The following KPNB1 variants were observed in gnomAD, a reference collection of about 807,000 sequenced individuals.
KPNB1 encodes karyopherin subunit beta 1, also known as importin subunit beta-1.
In KPNB1, 7 loss-of-function variants were observed where a neutral mutation model predicts 113.0. That is an observed-to-expected ratio of 0.06 (90% CI 0.04 to 0.12). The LOEUF is 0.12. Among genes scored for constraint, KPNB1 ranks in the 10% least tolerant of loss-of-function variants. The probability of loss-of-function intolerance (pLI) is 1.00; values close to 1 mark genes in which losing one functional copy is unlikely to be tolerated. For missense variants in KPNB1, 400 were observed against 1,054.8 expected, an observed-to-expected ratio of 0.38 and a Z score of 8.60; for synonymous variants, 363 against 378.6, an observed-to-expected ratio of 0.96 and a Z score of 0.48.
intron 11 of KPNB1, among the ~76,000 whole-genome samples, chr17:47,670,094 C>T (rs554694984): frequency 6.6e-6 from 1 of 152,244 alleles, no homozygotes; most frequent in East Asian, 1.9e-4. Flanking sequence ...CATGGTAACC[C>T]AGTGGGGAAA....
rs777866099 is a variant in KPNB1 at position 47,682,932 on chromosome 17, A to AT, written c.*534dup. The AT allele has an allele frequency of 6.4e-6, 1 of 157,008 alleles. No homozygotes were observed. Among genetic ancestry groups the AT allele is most frequent in the African/African-American group, 2.4e-5 (1 of 41,360 alleles). The allele number at this position is 157,008 out of a possible 1,614,324, so 9.7% of individuals were successfully genotyped here. ...TTGCCAGCTAGAAGGAGGGTCAGGG[A>AT]TTTTTTACAGTCTGAGAATGAGTGT... On this transcript the variant is annotated 3_prime_UTR_variant, in exon 22 of 22. Coordinates refer to ENST00000290158, the MANE Select transcript of KPNB1 (RefSeq NM_002265.6).
rs1305600635 is a variant in KPNB1, at chr17:47,657,042, T to A, written c.465T>A (p.Gly155=). The A allele has an allele frequency of 6.2e-7, 1 of 1,614,032 alleles. No homozygotes were observed. The highest frequency in any genetic ancestry group is 1.1e-5 in the South Asian group (1 of 91,056). The part of the protein sequence containing the change: ...HMKESTLEAI[G]YICQDIDPEQ... ...AGGAGTCGACATTGGAAGCCATCGG[T>A]TATATTTGCCAAGATATAGTAAGTG... The change falls in exon 4 of 22, where the codon GGT becomes GGA. Residue 155 remains glycine (G), a synonymous_variant. Transcript: ENST00000290158.
At chr17:47,681,300 G>A (rs1490244550) in intron 21 of KPNB1, among the ~76,000 whole-genome samples, 5 of 120,514 alleles carry the variant, frequency 4.1e-5, no homozygotes, top group Admixed American at 2.9e-4. Flanking sequence ...AGACAGTCTC[G>A]CTCTGTCGCC....
chr17:47,664,742 G>GT (rs1258159227), intron 8 of KPNB1, among the ~76,000 whole-genome samples: 71 of 151,804 alleles, frequency 4.7e-4, no homozygotes, highest in African/African-American at 1.6e-3. Flanking sequence ...AAATAAAAAG[G>GT]TTTTTTTTGG....
chr17:47,651,127 C>T, intron 2 of KPNB1: 1 of 721,022 alleles, frequency 1.4e-6, no homozygotes, highest in Middle Eastern at 7.2e-4. Flanking sequence ...GACTGAGGCT[C>T]ATCTTTGAGA....
chr17:47,681,800 A>G (rs1453474358), intron 21 of KPNB1, among the ~76,000 whole-genome samples: 1 of 141,918 alleles, frequency 7.0e-6, no homozygotes, highest in East Asian at 2.1e-4. Context: ...CCAGGTGTGC[A>G]CCACCACACC....
At chr17:47,671,251 C>T (rs369219931) in intron 12 of KPNB1, among the ~76,000 whole-genome samples, 6 of 151,744 alleles carry the variant, frequency 4.0e-5, no homozygotes, top group East Asian at 1.9e-4. Context: ...GAGTGGAACT[C>T]GTCTCAAAAA....
At chr17:47,668,927 A>G (rs2030368068) in intron 10 of KPNB1, among the ~76,000 whole-genome samples, 1 of 151,682 alleles carries the variant, frequency 6.6e-6, no homozygotes. Flanking sequence ...AAGTCGTGCC[A>G]TTGCACTCCA....
chr17:47,660,079 AAAACTG>A (rs2030046974), intron 5 of KPNB1, among the ~76,000 whole-genome samples: 2 of 152,238 alleles, frequency 1.3e-5, no homozygotes, highest in Non-Finnish European at 2.9e-5. Context: ...TTCATCTTGC[AAAACTG>A]AAACTGTACA....
intron 3 of KPNB1, among the ~76,000 whole-genome samples, chr17:47,656,472 C>T (rs143349237): frequency 5.3e-5 from 8 of 151,806 alleles, no homozygotes; most frequent in African/African-American, 1.9e-4. Context: ...GCTGCAGTAT[C>T]GTTGTGCCAT....
chr17:47,678,031 TTTG>T lies in KPNB1; in HGVS notation c.2104-12_2104-10del. 6.2e-7 allele frequency: 1 copy of T among 1,607,484 alleles called. No individual in the cohort carries two copies. The highest frequency in any genetic ancestry group is 8.5e-7 in the Non-Finnish European group (1 of 1,177,964). On this transcript the variant is annotated splice_polypyrimidine_tract_variant and intron_variant, in intron 17 of 21. Coordinates refer to ENST00000290158, the MANE Select transcript of KPNB1 (RefSeq NM_002265.6). Reference sequence around the variant, plus strand: ...AGTTTTGACTTAATTCACTTTTCCTTTTGTTCCTTGTCAGAATGAGAACGTCCA... The same window carrying T: ...AGTTTTGACTTAATTCACTTTTCCTTTTCCTTGTCAGAATGAGAACGTCCA...
chr17:47,677,960 AGTT>A (rs1363985600), intron 17 of KPNB1, 83 bp from the exon 18 acceptor site: 2 of 1,309,680 alleles, frequency 1.5e-6, no homozygotes, highest in Admixed American at 3.9e-5. Context: ...TAAAATCAAT[AGTT>A]GCTTGTTAGA....
At chr17:47,680,773 G>C in intron 21 of KPNB1, 104 bp downstream of exon 21, 1 of 1,222,476 alleles carries the variant, frequency 8.2e-7, no homozygotes, top group Non-Finnish European at 1.1e-6. Context: ...CATTTTTTTT[G>C]TTTGTACTTT....
intron 13 of KPNB1, 123 bp from the exon 14 acceptor site, chr17:47,673,367 G>A: frequency 1.1e-6 from 1 of 919,296 alleles, no homozygotes; most frequent in African/African-American, 1.7e-5. Flanking sequence ...TACACTATAT[G>A]TATTATGGGT....
intron 3 of KPNB1, among the ~76,000 whole-genome samples, chr17:47,653,292 T>TTTTTTG (rs1915630592): frequency 2.7e-5 from 4 of 150,092 alleles, no homozygotes; most frequent in East Asian, 1.9e-4. Context: ...TTTTTTTTTT[T>TTTTTTG]GGAGACAGTC....
chr17:47,668,338 T>C lies in KPNB1; in HGVS notation c.1152T>C (p.Asp384=), dbSNP rs2035163720. The change falls in exon 10 of 22, where the codon GAT becomes GAC. Residue 384 remains aspartate, a synonymous_variant. Coordinates refer to ENST00000290158, the MANE Select transcript of KPNB1 (RefSeq NM_002265.6). ...AGAACCCAGATTGGCGGTACCGGGA[T>C]GCAGCAGTGATGGCTTTTGGTTGTA... is the stretch of plus-strand genomic sequence containing the variant. ...HIKNPDWRYR[D]AAVMAFGCIL... 6.2e-7 allele frequency: 1 copy of C among 1,614,088 alleles called. No individual in the cohort carries two copies. Among genetic ancestry groups the C allele is most frequent in the Admixed American group, 1.7e-5 (1 of 60,002 alleles).
At chr17:47,681,265 CTTTTTTTT>C (rs535906429) in intron 21 of KPNB1, among the ~76,000 whole-genome samples, 1 of 122,696 alleles carries the variant, frequency 8.2e-6, no homozygotes, top group Non-Finnish European at 1.7e-5. Context: ...TTTTCTTCTT[CTTTTTTTT>C]TTTTTTTTTC....
At chr17:47,668,522 C>G in intron 10 of KPNB1, 112 bp downstream of exon 10, 3 of 803,866 alleles carry the variant, frequency 3.7e-6, no homozygotes, top group Admixed American at 5.4e-5. Context: ...AAGATTATCT[C>G]TAGATACTTG....
At chr17:47,672,899 C>T in intron 12 of KPNB1, 119 bp from the exon 13 acceptor site, 1 of 863,308 alleles carries the variant, frequency 1.2e-6, no homozygotes, top group Non-Finnish European at 1.7e-6. Flanking sequence ...TGTTTTCAAA[C>T]TCAAACCAGG....
Sources: allele counts gnomAD v4.1 joint callset (sites outside exome capture counted in the v4.1 genomes callset), GRCh38; gene constraint gnomAD v4.1.1; transcripts MANE v1.5; gene names NCBI Gene and HGNC (gene_info 2026-07-23, HGNC 2026-07-21).